Variants in RANBP2 observed in about 807,000 individuals in gnomAD.
RANBP2 encodes E3 SUMO-protein ligase RanBP2.
In RANBP2, 57 loss-of-function variants were observed where a neutral mutation model predicts 303.6. The observed-to-expected ratio is 0.19, with a 90% CI of 0.15 to 0.23. The LOEUF is 0.23. Among genes scored for constraint, RANBP2 ranks in the 10% least tolerant of loss-of-function variants. The probability of loss-of-function intolerance (pLI) is 1.00; values close to 1 mark genes in which losing one functional copy is unlikely to be tolerated. For missense variants in RANBP2, 3,138 were observed against 3,780.8 expected, an observed-to-expected ratio of 0.83 and a Z score of 4.46; for synonymous variants, 1,167 against 1,301.5, an observed-to-expected ratio of 0.90 and a Z score of 2.23.
the RANBP2 span, among the ~76,000 whole-genome samples, chr2:109,603,519 G>T: frequency 6.6e-6 from 1 of 151,994 alleles, no homozygotes; most frequent in South Asian, 2.1e-4. Context: ...GATTACAGGC[G>T]TGCACCACCG....
At chr2:108,987,915 T>C in the RANBP2 span, among the ~76,000 whole-genome samples, 1 of 152,230 alleles carries the variant, frequency 6.6e-6, no homozygotes, top group Non-Finnish European at 1.5e-5. Context: ...AGAAACATTC[T>C]CTATTTTAGA....
chr2:109,396,088 A>T, the RANBP2 span, among the ~76,000 whole-genome samples: 1 of 152,090 alleles, frequency 6.6e-6, no homozygotes, highest in East Asian at 1.9e-4. Flanking sequence ...AGACGAATGG[A>T]GGACTGCGCT....
the RANBP2 span, among the ~76,000 whole-genome samples, chr2:109,233,458 C>G: frequency 6.6e-6 from 1 of 152,364 alleles, no homozygotes; most frequent in African/African-American, 2.4e-5. Flanking sequence ...CTGCACTGCT[C>G]TACTTCTCTG....
chr2:109,522,587 A>C, the RANBP2 span, among the ~76,000 whole-genome samples: 5 of 137,810 alleles, frequency 3.6e-5, no homozygotes, highest in African/African-American at 1.3e-4. Context: ...AATAGGCATG[A>C]GACACCGTGC....
chr2:109,661,099 T>A, the RANBP2 span, among the ~76,000 whole-genome samples: 484 of 152,270 alleles, frequency 3.2e-3, 2 homozygotes, highest in African/African-American at 0.011. Context: ...AGCCCAAGGC[T>A]ATGGGCAGAG....
chr2:108,791,718 G>C, the RANBP2 span: 1 of 1,606,742 alleles, frequency 6.2e-7, no homozygotes, highest in Non-Finnish European at 8.5e-7. Flanking sequence ...GAAGAAACAG[G>C]AAACAGAAGA....
At chr2:108,728,181 CT>C (rs1408710970) in intron 1 of RANBP2, among the ~76,000 whole-genome samples, 1 of 152,138 alleles carries the variant, frequency 6.6e-6, no homozygotes, top group Non-Finnish European at 1.5e-5. Flanking sequence ...AAGCTGGTTT[CT>C]TTTGTTTGTT....
At chr2:109,302,806 G>C in the RANBP2 span, among the ~76,000 whole-genome samples, 3 of 152,182 alleles carry the variant, frequency 2.0e-5, no homozygotes, top group Non-Finnish European at 2.9e-5. Flanking sequence ...GGTTATGCTG[G>C]AGAAAAGTGG....
Position 108,736,290 on chromosome 2 carries a change from G to A in RANBP2, c.782+41G>A, listed in dbSNP as rs1238611015. 2.5e-6 allele frequency: 4 copies of A among 1,611,846 alleles called. No homozygotes were observed. In the East Asian group the frequency reaches 6.7e-5, roughly 27 times the overall value. ...GAAGAATGCTTTAGTATAAATTGCA[G>A]TTTTTCTTTTTGCAGTAAGTTCATT... On this transcript the variant is annotated intron_variant, in intron 6 of 28. Transcript: ENST00000283195.
At chr2:109,281,738 G>A in the RANBP2 span, among the ~76,000 whole-genome samples, 2 of 152,178 alleles carry the variant, frequency 1.3e-5, no homozygotes, top group Non-Finnish European at 2.9e-5. Context: ...TGATGGTGGA[G>A]TGGGTGCAGG....
chr2:109,005,063 C>T, the RANBP2 span, among the ~76,000 whole-genome samples: 1 of 152,280 alleles, frequency 6.6e-6, no homozygotes, highest in East Asian at 1.9e-4. Flanking sequence ...TTTCCCAGGC[C>T]CCTGGCCTCT....
At chr2:109,592,273 T>G in the RANBP2 span, among the ~76,000 whole-genome samples, 1 of 151,760 alleles carries the variant, frequency 6.6e-6, no homozygotes, top group African/African-American at 2.4e-5. Flanking sequence ...GAGACCAGCC[T>G]GGGCAACCTG....
the RANBP2 span, among the ~76,000 whole-genome samples, chr2:109,491,424 G>A: frequency 6.6e-6 from 1 of 152,162 alleles, no homozygotes; most frequent in Non-Finnish European, 1.5e-5. Context: ...GAATTATCAT[G>A]GCTTCAAGGG....
chr2:108,867,257 A>G, the RANBP2 span, among the ~76,000 whole-genome samples: 1 of 152,216 alleles, frequency 6.6e-6, no homozygotes, highest in Non-Finnish European at 1.5e-5. Flanking sequence ...GGTGGACACA[A>G]GAGAGAAGCT....
the RANBP2 span, among the ~76,000 whole-genome samples, chr2:109,057,690 T>C: frequency 6.6e-6 from 1 of 152,208 alleles, no homozygotes; most frequent in African/African-American, 2.4e-5. Flanking sequence ...GTAGAATGCA[T>C]CTGACGGTGG....
chr2:109,106,774 T>G, the RANBP2 span, among the ~76,000 whole-genome samples: 1 of 151,808 alleles, frequency 6.6e-6, no homozygotes, highest in Non-Finnish European at 1.5e-5. Context: ...GAGGCAGAGC[T>G]TGCAGTGAGC....
At chr2:109,309,021 G>T in the RANBP2 span, among the ~76,000 whole-genome samples, 1 of 85,010 alleles carries the variant, frequency 1.2e-5, no homozygotes, top group African/African-American at 7.6e-5. Context: ...GGGCAGTATG[G>T]CCATTTTCAC....
the RANBP2 span, among the ~76,000 whole-genome samples, chr2:109,268,469 G>A: frequency 6.6e-6 from 1 of 152,120 alleles, no homozygotes; most frequent in Non-Finnish European, 1.5e-5. Context: ...GGCTGCAGCA[G>A]CTCCTTTCTC....
chr2:109,059,700 G>T, the RANBP2 span, among the ~76,000 whole-genome samples: 1 of 152,184 alleles, frequency 6.6e-6, no homozygotes, highest in Non-Finnish European at 1.5e-5. Context: ...CCGGGACAGG[G>T]GCCTCTGCCC....
Sources: allele counts gnomAD v4.1 joint callset (sites outside exome capture counted in the v4.1 genomes callset), GRCh38; gene constraint gnomAD v4.1.1; transcripts MANE v1.5; gene names NCBI Gene and HGNC (gene_info 2026-07-23, HGNC 2026-07-21).